The following CDH4 variants were observed in gnomAD, a reference collection of about 807,000 sequenced individuals.
CDH4 encodes the protein cadherin 4, also known as cadherin-4.
In CDH4, 33 loss-of-function variants were observed where a neutral mutation model predicts 86.0. The observed-to-expected ratio is 0.38, with a 90% CI of 0.29 to 0.51. CDH4 has a LOEUF of 0.51. Among genes scored for constraint, CDH4 ranks in the 20% least tolerant of loss-of-function variants. The probability of loss-of-function intolerance (pLI) is 0.86; values close to 1 mark genes in which losing one functional copy is unlikely to be tolerated. For synonymous variants in CDH4, 555 were observed against 549.4 expected, an observed-to-expected ratio of 1.01 and a Z score of -0.14; for missense variants, 1,114 against 1,307.4, an observed-to-expected ratio of 0.85 and a Z score of 2.28.
intron 2 of CDH4, among the ~76,000 whole-genome samples, chr20:61,358,449 CA>C (rs2084765558): frequency 6.6e-6 from 1 of 152,332 alleles, no homozygotes; most frequent in Admixed American, 6.5e-5. Flanking sequence ...GGGCCTGGGG[CA>C]GAGCGAACAT....
chr20:61,446,140 A>G lies in CDH4; in HGVS notation c.169+191203A>G, dbSNP rs565172744. Among the ~76,000 whole-genome samples the G allele has an allele frequency of 7.4e-4, 113 of 152,334 alleles. 1 individual carries two copies. The South Asian group carries it at 0.023, about 31-fold the overall frequency. On this transcript the variant is annotated intron_variant, in intron 2 of 15. Coordinates refer to ENST00000614565, the MANE Select transcript of CDH4 (RefSeq NM_001794.5). The stretch of plus-strand genomic sequence containing the variant: ...GTCATACTTGGGAAGGGTGTGTTTT[A>G]CTAAGATGACCTTGGAACCAGACTG...
Position 61,655,116 on chromosome 20 carries a change from G to A in CDH4, c.170-88447G>A, listed in dbSNP as rs1445298567. On this transcript the variant is annotated intron_variant, in intron 2 of 15. Coordinates refer to ENST00000614565, the MANE Select transcript of CDH4 (RefSeq NM_001794.5). Reference sequence around the variant, plus strand: ...ACGTTTGTAACTATATTAATAGCATGTGTATGTGTGGTAGGTACACACACG... The same window carrying A: ...ACGTTTGTAACTATATTAATAGCATATGTATGTGTGGTAGGTACACACACG... 6.6e-5 allele frequency among the ~76,000 whole-genome samples: 10 copies of A among 152,354 alleles called. No homozygotes were observed. In the East Asian group the frequency reaches 1.7e-3, roughly 26 times the overall value.
At chr20:61,746,196 A>C (rs1316652365) in intron 3 of CDH4, among the ~76,000 whole-genome samples, 1 of 152,108 alleles carries the variant, frequency 6.6e-6, no homozygotes, top group East Asian at 1.9e-4. Flanking sequence ...ATTACAAGCC[A>C]CGCCCTGGTG....
chr20:61,669,275 G>A (rs769793906), intron 2 of CDH4, among the ~76,000 whole-genome samples: 34 of 152,200 alleles, frequency 2.2e-4, no homozygotes, highest in Middle Eastern at 3.2e-3. Context: ...ATGCAGCACC[G>A]GCACCCCACA....
intron 2 of CDH4, among the ~76,000 whole-genome samples, chr20:61,481,093 C>A (rs1045510382): frequency 5.9e-5 from 9 of 152,182 alleles, no homozygotes; most frequent in African/African-American, 2.2e-4. Context: ...CATCCTTGGT[C>A]TAGAACTCAA....
At chr20:61,280,782 G>T (rs1003104384) in intron 2 of CDH4, among the ~76,000 whole-genome samples, 2 of 152,134 alleles carry the variant, frequency 1.3e-5, no homozygotes, top group African/African-American at 2.4e-5. Context: ...GTGAAGCGCC[G>T]GCCACAGCGG....
At chr20:61,656,872 C>A (rs1281599581) in intron 2 of CDH4, among the ~76,000 whole-genome samples, 2 of 152,160 alleles carry the variant, frequency 1.3e-5, no homozygotes, top group African/African-American at 4.8e-5. Context: ...TGTGCAGAGG[C>A]TTGGGACACA....
intron 2 of CDH4, among the ~76,000 whole-genome samples, chr20:61,525,052 C>T (rs753895134): frequency 3.3e-5 from 5 of 152,270 alleles, no homozygotes; most frequent in South Asian, 2.1e-4. Context: ...AGAAATTATG[C>T]GGGGCGGGTC....
At chr20:61,640,421 C>T (rs1258996308) in intron 2 of CDH4, among the ~76,000 whole-genome samples, 1 of 152,202 alleles carries the variant, frequency 6.6e-6, no homozygotes, top group Non-Finnish European at 1.5e-5. Flanking sequence ...TGCAAGTAGA[C>T]ACATTTTCCG....
At chr20:61,573,748 G>C (rs2086362689) in intron 2 of CDH4, among the ~76,000 whole-genome samples, 1 of 152,186 alleles carries the variant, frequency 6.6e-6, no homozygotes, top group South Asian at 2.1e-4. Context: ...GATGTGCTCT[G>C]GGCCCTCCCA....
chr20:61,758,275 C>T (rs1229176924), intron 3 of CDH4, among the ~76,000 whole-genome samples: 1 of 152,116 alleles, frequency 6.6e-6, no homozygotes, highest in East Asian at 1.9e-4. Context: ...GAGGAGTGTT[C>T]CAGACAGAGG....
chr20:61,685,887 G>A (rs977249632), intron 2 of CDH4, among the ~76,000 whole-genome samples: 6 of 152,214 alleles, frequency 3.9e-5, no homozygotes, highest in Non-Finnish European at 7.3e-5. Context: ...ATCCCCACTG[G>A]GTGGTACCCG....
At chr20:61,358,928 G>A (rs942696109) in intron 2 of CDH4, among the ~76,000 whole-genome samples, 37 of 152,262 alleles carry the variant, frequency 2.4e-4, no homozygotes, top group South Asian at 2.1e-4. Context: ...GTGATTCACC[G>A]GCTTTTGGGT....
At chr20:61,651,305 A>G (rs752608170) in intron 2 of CDH4, among the ~76,000 whole-genome samples, 11 of 152,250 alleles carry the variant, frequency 7.2e-5, no homozygotes, top group Non-Finnish European at 1.6e-4. Flanking sequence ...GGGAAGGACG[A>G]GTGCCCCTTC....
intron 2 of CDH4, among the ~76,000 whole-genome samples, chr20:61,462,050 A>G (rs2085446625): frequency 1.3e-5 from 2 of 152,204 alleles, no homozygotes; most frequent in South Asian, 4.1e-4. Context: ...AGGCTTCTTG[A>G]CAAGAAAGTT....
rs2055086726 is a variant in CDH4, at chr20:61,929,814, C to T, written c.2211C>T (p.Ala737=). 2 of 1,613,890 alleles carry T rather than the reference C, an allele frequency of 1.2e-6. No individual in the cohort carries two copies. Among genetic ancestry groups the T allele is most frequent in the Non-Finnish European group, 1.7e-6 (2 of 1,180,020 alleles). Residue 737 remains alanine, a synonymous_variant, in exon 13 of 16, where the codon GCC becomes GCT. Coordinates refer to ENST00000614565, the MANE Select transcript of CDH4 (RefSeq NM_001794.5). ...AAGLGTGAIV[A]ILICILILLT... Reference sequence around the variant, plus strand: ...GTCTGGGCACCGGTGCCATCGTGGCCATCCTCATCTGCATCCTCATCCTGC... The same window carrying T: ...GTCTGGGCACCGGTGCCATCGTGGCTATCCTCATCTGCATCCTCATCCTGC...
chr20:61,329,742 A>G (rs1034606208), intron 2 of CDH4, among the ~76,000 whole-genome samples: 3 of 152,216 alleles, frequency 2.0e-5, no homozygotes, highest in Non-Finnish European at 4.4e-5. Context: ...CAAGTTTGTT[A>G]CATAGGCAAG....
At chr20:61,304,676 C>T (rs2084406006) in intron 2 of CDH4, among the ~76,000 whole-genome samples, 2 of 152,130 alleles carry the variant, frequency 1.3e-5, no homozygotes, top group African/African-American at 4.8e-5. Flanking sequence ...CCAGGAGCAA[C>T]TAGAGACGAT....
intron 2 of CDH4, among the ~76,000 whole-genome samples, chr20:61,344,694 TTG>T (rs1484041980): frequency 3.9e-5 from 6 of 152,226 alleles, no homozygotes. Context: ...TGATTTTTCT[TTG>T]TGATTTTTGA....
Sources: allele counts gnomAD v4.1 joint callset (sites outside exome capture counted in the v4.1 genomes callset), GRCh38; gene constraint gnomAD v4.1.1; transcripts MANE v1.5; gene names NCBI Gene and HGNC (gene_info 2026-07-23, HGNC 2026-07-21).